Variants in CDH12 observed in about 807,000 individuals in gnomAD.
CDH12 encodes the protein cadherin 12, also known as cadherin-12.
A neutral mutation model predicts 74.1 loss-of-function variants in CDH12; 41 were observed. The ratio of observed to expected loss-of-function variants is 0.55; its 90% CI spans 0.43 to 0.72. The LOEUF (loss-of-function observed/expected upper bound fraction) is 0.72. Ranked by LOEUF, CDH12 falls within the 30% of genes least tolerant of loss-of-function variation. The probability of loss-of-function intolerance (pLI) is 0.00; values close to 1 mark genes in which losing one functional copy is unlikely to be tolerated. For missense variants in CDH12, 945 were observed against 977.2 expected, an observed-to-expected ratio of 0.97 and a Z score of 0.44; for synonymous variants, 399 against 355.0, an observed-to-expected ratio of 1.12 and a Z score of -1.39.
intron 6 of CDH12, among the ~76,000 whole-genome samples, chr5:21,960,366 C>T (rs1200812309): frequency 6.6e-6 from 1 of 152,080 alleles, no homozygotes; most frequent in Non-Finnish European, 1.5e-5. Context: ...AGGAACTCTA[C>T]TGAATACAAG....
chr5:22,777,001 C>G lies in CDH12; in HGVS notation c.-523+76057G>C, dbSNP rs578164381. 6.6e-5 allele frequency among the ~76,000 whole-genome samples: 10 copies of G among 152,206 alleles called. No individual in the cohort carries two copies. The South Asian group carries it at 2.1e-3, about 32-fold the overall frequency. On this transcript the variant is annotated intron_variant, in intron 1 of 14. Transcript: ENST00000382254. ...TGTTGAAGAGTTATTGTCTTCCACA[C>G]CTCCATTTTTTAATATGCATGATTT...
chr5:22,780,673 C>G (rs773448571), intron 1 of CDH12, among the ~76,000 whole-genome samples: 1 of 152,026 alleles, frequency 6.6e-6, no homozygotes, highest in Non-Finnish European at 1.5e-5. Flanking sequence ...ATTATGGGAC[C>G]TACAATTCAA....
chr5:21,822,159 A>C (rs1247681800), intron 8 of CDH12, among the ~76,000 whole-genome samples: 1 of 151,898 alleles, frequency 6.6e-6, no homozygotes, highest in East Asian at 1.9e-4. Flanking sequence ...TTGTTTTTGA[A>C]AGTCACTTAT....
chr5:22,583,661 G>C (rs1487507764), intron 1 of CDH12, among the ~76,000 whole-genome samples: 2 of 152,148 alleles, frequency 1.3e-5, no homozygotes, highest in African/African-American at 4.8e-5. Context: ...AGGAACATGA[G>C]GATGAAGATG....
chr5:21,923,349 A>G, intron 6 of CDH12, among the ~76,000 whole-genome samples: 1 of 152,122 alleles, frequency 6.6e-6, no homozygotes, highest in Admixed American at 6.5e-5. Context: ...GTGTGTGTGT[A>G]TACAATTACA....
At chr5:22,578,300 G>A (rs1313541059) in intron 1 of CDH12, among the ~76,000 whole-genome samples, 1 of 151,664 alleles carries the variant, frequency 6.6e-6, no homozygotes, top group African/African-American at 2.4e-5. Context: ...TGTTCCAAAA[G>A]GGGTATAAAA....
intron 1 of CDH12, among the ~76,000 whole-genome samples, chr5:22,558,188 A>G (rs1049677875): frequency 2.0e-5 from 3 of 152,088 alleles, no homozygotes; most frequent in African/African-American, 7.2e-5. Context: ...TCTGAATTGC[A>G]CAACAGAAAG....
At position 22,056,042 on chromosome 5, in the gene CDH12, CTATA is replaced by C. The variant is rs749877640; in HGVS notation, c.231+22400_231+22403del. ...TGAAATACAGAATTTTAAAAGTTTA[CTATA>C]TATTTGCAAAATTTTTTAGTACATT... On this transcript the variant is annotated intron_variant, in intron 5 of 14. Transcript: ENST00000382254. Among the ~76,000 whole-genome samples, 14 of 151,996 alleles carry C rather than the reference CTATA, an allele frequency of 9.2e-5. No individual in the cohort carries two copies. In the East Asian group the frequency reaches 2.1e-3, roughly 23 times the overall value.
intron 6 of CDH12, among the ~76,000 whole-genome samples, chr5:21,871,119 TAA>T (rs1300801722): frequency 6.6e-6 from 1 of 152,128 alleles, no homozygotes. Context: ...ACAGAATTTT[TAA>T]AAAAATTTCT....
chr5:21,981,384 T>C (rs1320077439), intron 5 of CDH12, among the ~76,000 whole-genome samples: 2 of 152,110 alleles, frequency 1.3e-5, no homozygotes, highest in Non-Finnish European at 2.9e-5. Flanking sequence ...TACATACTGT[T>C]TATAATTGTT....
intron 6 of CDH12, among the ~76,000 whole-genome samples, chr5:21,910,317 A>G (rs7729965): frequency 0.96 from 145,447 of 152,186 alleles, 69,722 homozygotes; most frequent in East Asian, 1. Context: ...CAAATTCAGA[A>G]GCTCCAAGGA....
At chr5:22,183,594 A>AC (rs1749766044) in intron 4 of CDH12, among the ~76,000 whole-genome samples, 1 of 152,094 alleles carries the variant, frequency 6.6e-6, no homozygotes, top group Non-Finnish European at 1.5e-5. Flanking sequence ...TGAAACCAAA[A>AC]ATTTTACCCT....
chr5:22,724,905 G>T (rs1906242), intron 1 of CDH12, among the ~76,000 whole-genome samples: 151,506 of 151,832 alleles, frequency 1, 75,590 homozygotes, highest in East Asian at 1. Context: ...TAAAAAAATA[G>T]TTTCCAAAAC....
At position 22,234,918 on chromosome 5, in the gene CDH12, A is replaced by T. The variant is rs1039935104; in HGVS notation, c.-332-22275T>A. ...AGATGGACTTTTTTTTTTACTAAAC[A>T]AATGTTTGTACAAACCAACAAAGTC... On this transcript the variant is annotated intron_variant, in intron 3 of 14. Coordinates refer to ENST00000382254, the MANE Select transcript of CDH12 (RefSeq NM_004061.5). Among the ~76,000 whole-genome samples, 6 of 152,154 alleles carry T rather than the reference A, an allele frequency of 3.9e-5. No homozygotes were observed. The South Asian group carries it at 8.3e-4, about 21-fold the overall frequency.
At chr5:21,934,989 T>C (rs1259060983) in intron 6 of CDH12, among the ~76,000 whole-genome samples, 3 of 152,172 alleles carry the variant, frequency 2.0e-5, no homozygotes, top group South Asian at 4.1e-4. Flanking sequence ...GGTTTCATCG[T>C]GTTAGCCAGG....
At chr5:22,659,874 C>G (rs865912704) in intron 1 of CDH12, among the ~76,000 whole-genome samples, 10 of 151,896 alleles carry the variant, frequency 6.6e-5, no homozygotes, top group Middle Eastern at 3.4e-3. Flanking sequence ...TATTTTATAT[C>G]AACAAAATGG....
chr5:22,083,309 C>A (rs1742861697), intron 4 of CDH12, among the ~76,000 whole-genome samples: 1 of 152,146 alleles, frequency 6.6e-6, no homozygotes, highest in Non-Finnish European at 1.5e-5. Flanking sequence ...TGAGTCCAAA[C>A]TCCTTAGTTT....
intron 2 of CDH12, among the ~76,000 whole-genome samples, chr5:22,479,644 C>G (rs946640060): frequency 5.9e-5 from 9 of 152,142 alleles, no homozygotes; most frequent in African/African-American, 2.2e-4. Flanking sequence ...TTTAAAACAG[C>G]ATCTAAATCA....
intron 6 of CDH12, among the ~76,000 whole-genome samples, chr5:21,902,332 A>G (rs1458749770): frequency 6.6e-6 from 1 of 151,534 alleles, no homozygotes; most frequent in Admixed American, 6.6e-5. Flanking sequence ...CTCCCTCGCT[A>G]TTTCTCTTTC....
Sources: gnomAD v4.1 joint callset for allele counts (sites outside exome capture counted in the v4.1 genomes callset) on GRCh38, gnomAD v4.1.1 for gene constraint, MANE v1.5 for transcripts, NCBI Gene and HGNC (gene_info 2026-07-23, HGNC 2026-07-21) for gene names.